LCLAT1: variants seen among roughly 807,000 people sequenced by gnomAD.
The protein encoded by LCLAT1 is 1-AGP acyltransferase 8.
A neutral mutation model predicts 30.7 loss-of-function variants in LCLAT1; 11 were observed. The ratio of observed to expected loss-of-function variants is 0.36; its 90% CI spans 0.23 to 0.59. LCLAT1 has a LOEUF of 0.59. Among genes scored for constraint, LCLAT1 ranks in the 20% least tolerant of loss-of-function variants. LCLAT1 has a pLI of 0.77. For synonymous variants in LCLAT1, 155 were observed against 151.3 expected (o/e 1.02, Z -0.18); for missense variants, 402 against 458.6 (o/e 0.88, Z 1.13).
At chr2:30,542,007 T>A (rs1664164741) in intron 3 of LCLAT1, among the ~76,000 whole-genome samples, 2 of 152,206 alleles carry the variant, frequency 1.3e-5, no homozygotes. Flanking sequence ...TCATTGGCCA[T>A]TCATATAGCT....
chr2:30,474,825 A>C (rs1682967753), intron 1 of LCLAT1, among the ~76,000 whole-genome samples: 1 of 151,200 alleles, frequency 6.6e-6, no homozygotes, highest in Admixed American at 6.6e-5. Flanking sequence ...ATTTTTAAAA[A>C]ATTTTTTGTA....
chr2:30,516,328 CA>C (rs972766318), intron 1 of LCLAT1, among the ~76,000 whole-genome samples: 3 of 152,260 alleles, frequency 2.0e-5, no homozygotes, highest in African/African-American at 7.2e-5. Flanking sequence ...ACTCGCCGTC[CA>C]CCACTGCTGA....
At chr2:30,481,660 T>C (rs1683328918) in intron 1 of LCLAT1, among the ~76,000 whole-genome samples, 1 of 152,108 alleles carries the variant, frequency 6.6e-6, no homozygotes, top group African/African-American at 2.4e-5. Flanking sequence ...GAAAGTGGAC[T>C]TTTTTGCCAA....
At chr2:30,600,005 T>C (rs936615386) in intron 5 of LCLAT1, among the ~76,000 whole-genome samples, 6 of 152,222 alleles carry the variant, frequency 3.9e-5, no homozygotes, top group Non-Finnish European at 7.4e-5. Flanking sequence ...TGTTTCACAG[T>C]GTCATTGGTC....
At position 30,642,715 on chromosome 2, in the gene LCLAT1, GTTCCTT is replaced by G. The variant is rs1333872734; in HGVS notation, c.*2100_*2105del. ...GAAGATCCTCATTTTTTACAATTTT[GTTCCTT>G]TTCATCATAGAAAACATGTTTAAGA... On this transcript the variant is annotated 3_prime_UTR_variant, in exon 6 of 6. Coordinates refer to ENST00000379509, the MANE Select transcript of LCLAT1 (RefSeq NM_001002257.3). 2 of 149,652 alleles carry G rather than the reference GTTCCTT, an allele frequency of 1.3e-5. No individual in the cohort carries two copies. The highest frequency in any genetic ancestry group is 2.5e-5 in the African/African-American group (1 of 40,562). 9.3% of individuals were successfully genotyped at this position (149,652 alleles called of 1,614,324 possible). A position where few individuals can be genotyped will look rare whatever the true frequency, so the allele number is the denominator to read the frequency against.
chr2:30,640,966 C>G lies in LCLAT1; in HGVS notation c.*347C>G, dbSNP rs949147876. ...CCCCGTACCAGAGGCAGATCTGGAA[C>G]TCGTCAACAACAGCCCGGATCACAT... On this transcript the variant is annotated 3_prime_UTR_variant, in exon 6 of 6. Transcript: ENST00000379509. 8.4e-5 allele frequency: 21 copies of G among 248,608 alleles called. No homozygotes were observed. Among genetic ancestry groups the G allele is most frequent in the Non-Finnish European group, 1.4e-4 (18 of 128,950 alleles). The allele number at this position is 248,608 out of a possible 1,614,324, so 15.4% of individuals were successfully genotyped here.
In LCLAT1 at chr2:30,460,502, A is replaced by G. The variant is rs111765826; in HGVS notation, c.-5+13119A>G. ...TATGCTTGCGTTACTTCAGTAGTCT[A>G]CTAGTCGGTTTCTGAAATAATAGTC... On this transcript the variant is annotated intron_variant, in intron 1 of 5. Transcript: ENST00000379509. 2.1e-3 allele frequency among the ~76,000 whole-genome samples: 324 copies of G among 152,222 alleles called. 2 individuals are homozygous for G. The highest frequency in any genetic ancestry group is 2.6e-3 in the Non-Finnish European group (177 of 68,018).
At chr2:30,543,393 G>A (rs1038761436) in intron 3 of LCLAT1, among the ~76,000 whole-genome samples, 5 of 152,060 alleles carry the variant, frequency 3.3e-5, no homozygotes, top group Non-Finnish European at 5.9e-5. Flanking sequence ...GTTCAATAAG[G>A]ATTTTGTTCT....
intron 5 of LCLAT1, among the ~76,000 whole-genome samples, chr2:30,603,323 A>G (rs895454991): frequency 2.6e-5 from 4 of 152,186 alleles, no homozygotes; most frequent in Non-Finnish European, 5.9e-5. Flanking sequence ...ACAGTGAACG[A>G]AAAAGACAGA....
chr2:30,604,112 T>G (rs970335006), intron 5 of LCLAT1, among the ~76,000 whole-genome samples: 1 of 129,470 alleles, frequency 7.7e-6, no homozygotes, highest in Non-Finnish European at 1.7e-5. Context: ...CCCAAGTGCC[T>G]TTAGATTAGG....
In LCLAT1 at chr2:30,543,072, T is replaced by C. The variant is rs186774918; in HGVS notation, c.364+9758T>C. Among the ~76,000 whole-genome samples the C allele has an allele frequency of 5.7e-3, 873 of 152,078 alleles. 9 individuals carry two copies. Among genetic ancestry groups the C allele is most frequent in the South Asian group, 0.024 (118 of 4,820 alleles). ...ATGTTAGGTAGAAAGCTTTGAGCCT[T>C]TCACTGTTGAGTATAATGCTAACTG... On this transcript the variant is annotated intron_variant, in intron 3 of 5. Coordinates refer to ENST00000379509, the MANE Select transcript of LCLAT1 (RefSeq NM_001002257.3).
chr2:30,511,761 C>T (rs529110490), intron 1 of LCLAT1, among the ~76,000 whole-genome samples: 1 of 152,320 alleles, frequency 6.6e-6, no homozygotes, highest in East Asian at 1.9e-4. Flanking sequence ...GTTTTACCTT[C>T]TCTAGAGAAT....
chr2:30,611,712 A>G (rs914716947), intron 5 of LCLAT1, among the ~76,000 whole-genome samples: 5 of 152,294 alleles, frequency 3.3e-5, no homozygotes, highest in Admixed American at 3.3e-4. Flanking sequence ...GGCTCTGGGC[A>G]TAGCAGCAAA....
intron 1 of LCLAT1, chr2:30,476,597 GA>G: frequency 4.5e-6 from 2 of 448,522 alleles, no homozygotes; most frequent in East Asian, 1.4e-4. Flanking sequence ...CTAGTCTCAG[GA>G]AAACAAGCTC....
chr2:30,561,310 A>C (rs1665209451), intron 3 of LCLAT1, among the ~76,000 whole-genome samples: 1 of 151,796 alleles, frequency 6.6e-6, no homozygotes, highest in Admixed American at 6.6e-5. Context: ...ACTGTATCCT[A>C]CCAACTTGTC....
chr2:30,534,299 C>T (rs778347154), intron 3 of LCLAT1, among the ~76,000 whole-genome samples: 2 of 150,958 alleles, frequency 1.3e-5, no homozygotes, highest in South Asian at 2.1e-4. Context: ...CTCTCTCTGT[C>T]GCTCAGGCTG....
chr2:30,593,887 C>T lies in LCLAT1; in HGVS notation c.628+25711C>T, dbSNP rs528138747. Among the ~76,000 whole-genome samples, 3 of 141,432 alleles carry T rather than the reference C, an allele frequency of 2.1e-5. No individual in the cohort carries two copies. In the South Asian group the frequency reaches 6.6e-4, roughly 31 times the overall value. The allele number at this position is 141,432 out of a possible 152,430, so 92.8% of individuals were successfully genotyped here. On this transcript the variant is annotated intron_variant, in intron 5 of 5. Coordinates refer to ENST00000379509, the MANE Select transcript of LCLAT1 (RefSeq NM_001002257.3). ...GCAGTGAGCTGTGATTGCACCACTG[C>T]ATTCCACCTCGAGCAACAGAGAGAG...
chr2:30,633,378 TA>T (rs1424691689), intron 5 of LCLAT1, among the ~76,000 whole-genome samples: 4 of 152,182 alleles, frequency 2.6e-5, no homozygotes, highest in Admixed American at 6.5e-5. Context: ...AAGCAGGTGT[TA>T]AAATGTAATC....
intron 1 of LCLAT1, among the ~76,000 whole-genome samples, chr2:30,496,872 A>G (rs954059681): frequency 3.1e-4 from 47 of 152,314 alleles, no homozygotes; most frequent in African/African-American, 1.0e-3. Context: ...AAACCCACAA[A>G]TAAAAGCCCA....
Sources: gnomAD v4.1 joint callset for allele counts (sites outside exome capture counted in the v4.1 genomes callset) on GRCh38, gnomAD v4.1.1 for gene constraint, MANE v1.5 for transcripts, NCBI Gene and HGNC (gene_info 2026-07-23, HGNC 2026-07-21) for gene names.